The following SNX13 variants were observed in gnomAD, a reference collection of about 807,000 sequenced individuals.
SNX13 encodes the protein sorting nexin-13.
A neutral mutation model predicts 133.6 loss-of-function variants in SNX13; 45 were observed. The observed-to-expected ratio is 0.34, with a 90% CI of 0.27 to 0.43. The LOEUF is 0.43. SNX13 is among the 20% of genes least tolerant of loss of function. The pLI is 1.00. For synonymous variants in SNX13, 414 were observed against 373.9 expected, an observed-to-expected ratio of 1.11 and a Z score of -1.24; for missense variants, 1,032 against 1,145.1, an observed-to-expected ratio of 0.90 and a Z score of 1.43.
intron 2 of SNX13, among the ~76,000 whole-genome samples, chr7:17,894,295 C>CA (rs200563716): frequency 5.8e-4 from 77 of 133,022 alleles, no homozygotes; most frequent in East Asian, 8.6e-4. Context: ...AGACTCGCCT[C>CA]AAAAAAAAAA....
At chr7:17,928,180 C>T (rs188533974) in intron 1 of SNX13, among the ~76,000 whole-genome samples, 3 of 152,218 alleles carry the variant, frequency 2.0e-5, no homozygotes, top group Non-Finnish European at 4.4e-5. Flanking sequence ...CCCTCTAAAA[C>T]AACAATAGGA....
At chr7:17,926,200 A>C (rs556437046) in intron 1 of SNX13, among the ~76,000 whole-genome samples, 9 of 152,322 alleles carry the variant, frequency 5.9e-5, no homozygotes, top group African/African-American at 2.2e-4. Context: ...TAACAAATCT[A>C]GGTAACTGTA....
rs1289471310 is a variant in SNX13, at chr7:17,801,009, C to CTTTTAT, written c.2298+578_2298+579insATAAAA. 1.8e-4 allele frequency among the ~76,000 whole-genome samples: 22 copies of CTTTTAT among 120,210 alleles called. 2 individuals are homozygous for CTTTTAT. The highest frequency in any genetic ancestry group is 6.2e-4 in the African/African-American group (22 of 35,298). The allele number at this position is 120,210 out of a possible 152,430, so 78.9% of individuals were successfully genotyped here. ...CTTGGCAGTATCTACTAAAACTGAA[C>CTTTTAT]ATATATATATATATATATATATATA... On this transcript the variant is annotated intron_variant, in intron 22 of 25. Coordinates refer to ENST00000428135, the MANE Select transcript of SNX13 (RefSeq NM_015132.5).
intron 9 of SNX13, among the ~76,000 whole-genome samples, chr7:17,856,714 C>T (rs1478770857): frequency 1.3e-5 from 2 of 149,066 alleles, no homozygotes; most frequent in South Asian, 2.1e-4. Context: ...ATCACATGAG[C>T]CTGGTTGAGG....
rs1000604062 is a variant in SNX13, at chr7:17,790,939, T to C, written c.*3106A>G. The C allele has an allele frequency of 6.6e-6, 1 of 152,054 alleles. No homozygotes were observed. The highest frequency in any genetic ancestry group is 2.4e-5 in the African/African-American group (1 of 41,444). 9.4% of individuals were successfully genotyped at this position (152,054 alleles called of 1,614,324 possible). On this transcript the variant is annotated 3_prime_UTR_variant, in exon 26 of 26. Coordinates refer to ENST00000428135, the MANE Select transcript of SNX13 (RefSeq NM_015132.5). ...AGTTGACACTTACTGTACAATGATATGCACACATTATCTTTTAACAATTAT... is the reference window on the plus strand; with the variant it reads ...AGTTGACACTTACTGTACAATGATACGCACACATTATCTTTTAACAATTAT...
At chr7:17,801,910 T>C (rs1784685671) in intron 21 of SNX13, among the ~76,000 whole-genome samples, 2 of 152,056 alleles carry the variant, frequency 1.3e-5, no homozygotes, top group Non-Finnish European at 2.9e-5. Context: ...AACTCCCATA[T>C]TTTTTAGAAG....
At chr7:17,912,620 C>T (rs1210364349) in intron 1 of SNX13, among the ~76,000 whole-genome samples, 1 of 152,102 alleles carries the variant, frequency 6.6e-6, no homozygotes, top group East Asian at 1.9e-4. Context: ...CCATGTTGGC[C>T]AGGCTGGTCT....
Position 17,839,818 on chromosome 7 carries a change from A to T in SNX13, c.1348T>A (p.Leu450Ile). 1 of 1,607,474 alleles carries T rather than the reference A, an allele frequency of 6.2e-7. No individual in the cohort carries two copies. The highest frequency in any genetic ancestry group is 8.5e-7 in the Non-Finnish European group (1 of 1,176,704). Reference sequence around the variant, plus strand: ...AAATACAGCCTCACCTTTTCTGATAAATACTGTTCATAAATTCCAACAGCA... The same window carrying T: ...AAATACAGCCTCACCTTTTCTGATATATACTGTTCATAAATTCCAACAGCA... The part of the protein sequence containing the change: ...AAAVGIYEQY[L>I]SEKASPRVTV... Residue 450 changes from leucine to isoleucine, a missense_variant, in exon 13 of 26, where the codon TTA becomes ATA. Leu to Ile is a conservative substitution (Grantham distance 5). Coordinates refer to ENST00000428135, the MANE Select transcript of SNX13 (RefSeq NM_015132.5).
intron 1 of SNX13, among the ~76,000 whole-genome samples, chr7:17,917,264 T>C (rs1393911956): frequency 6.6e-6 from 1 of 152,140 alleles, no homozygotes; most frequent in Non-Finnish European, 1.5e-5. Flanking sequence ...AAAACAAGGA[T>C]GTCCACTCTT....
Position 17,875,552 on chromosome 7 carries a change from A to G in SNX13, c.592T>C (p.Phe198Leu), listed in dbSNP as rs1285227853. ...TTCTCCATTTCAACTTCAACTTCAAAGAAGGTATCTACAAGATCTTCTGCT... is the reference window on the plus strand; with the variant it reads ...TTCTCCATTTCAACTTCAACTTCAAGGAAGGTATCTACAAGATCTTCTGCT... ...GTAEDLVDTFFEVEVEMEKEV... is the reference protein window; with the variant it reads ...GTAEDLVDTFLEVEVEMEKEV... Residue 198 changes from phenylalanine to leucine, a missense_variant, in exon 7 of 26, where the codon TTT becomes CTT. Phe to Leu is a conservative substitution (Grantham distance 22). Coordinates refer to ENST00000428135, the MANE Select transcript of SNX13 (RefSeq NM_015132.5). 1.2e-6 allele frequency: 2 copies of G among 1,611,724 alleles called. No homozygotes were observed. The highest frequency in any genetic ancestry group is 1.7e-6 in the Non-Finnish European group (2 of 1,179,516).
At position 17,791,604 on chromosome 7, in the gene SNX13, C is replaced by T. The variant is rs537037725; in HGVS notation, c.*2441G>A. ...AGAAAACACAAAGAATGATTAATTT[C>T]GAAAGTTCTTGCCTAAAGGCACCAC... On this transcript the variant is annotated 3_prime_UTR_variant, in exon 26 of 26. Transcript: ENST00000428135. The T allele has an allele frequency of 1.3e-4, 20 of 152,006 alleles. No homozygotes were observed. The highest frequency in any genetic ancestry group is 3.9e-4 in the Admixed American group (6 of 15,258). The allele number at this position is 152,006 out of a possible 1,614,324, so 9.4% of individuals were successfully genotyped here.
At chr7:17,852,785 AAAATG>A (rs1203667587) in intron 9 of SNX13, among the ~76,000 whole-genome samples, 2 of 152,352 alleles carry the variant, frequency 1.3e-5, no homozygotes, top group Non-Finnish European at 2.9e-5. Flanking sequence ...CCAAAGCAAT[AAAATG>A]AAATTGTCTA....
intron 21 of SNX13, among the ~76,000 whole-genome samples, chr7:17,802,522 T>C (rs921560902): frequency 1.1e-4 from 16 of 152,184 alleles, no homozygotes; most frequent in African/African-American, 3.9e-4. Flanking sequence ...CCTAGAAAAC[T>C]TCAGTGACTT....
At chr7:17,940,203 G>A in intron 1 of SNX13, 81 bp downstream of exon 1, 2 of 1,537,300 alleles carry the variant, frequency 1.3e-6, no homozygotes, top group Non-Finnish European at 1.8e-6. Context: ...CCCACCTTCC[G>A]TACAGATGAT....
chr7:17,893,986 C>T (rs1432401743), intron 2 of SNX13, among the ~76,000 whole-genome samples: 1 of 133,252 alleles, frequency 7.5e-6, no homozygotes, highest in Non-Finnish European at 1.6e-5. Context: ...AAAAAAAAAA[C>T]TTAAGTGACA....
chr7:17,893,628 T>A (rs1796877156), intron 2 of SNX13, among the ~76,000 whole-genome samples, 194 bp from the exon 3 acceptor site: 1 of 152,224 alleles, frequency 6.6e-6, no homozygotes, highest in Non-Finnish European at 1.5e-5. Context: ...GAACATTTTG[T>A]GAATTATACA....
chr7:17,940,376 C>A lies in SNX13; in HGVS notation c.-81G>T. ...TAGCAGCAGCGAAAACTGCTCGGGC[C>A]GCCGCCAACGGCGGCAACTGCTCCT... On this transcript the variant is annotated 5_prime_UTR_variant, in exon 1 of 26. Transcript: ENST00000428135. 1 of 1,506,782 alleles carries A rather than the reference C, an allele frequency of 6.6e-7. No homozygotes were observed. The allele number at this position is 1,506,782 out of a possible 1,614,324, so 93.3% of individuals were successfully genotyped here. A position where few individuals can be genotyped will look rare whatever the true frequency, so the allele number is the denominator to read the frequency against.
chr7:17,840,837 C>G (rs2128316989), intron 12 of SNX13, among the ~76,000 whole-genome samples: 1 of 152,142 alleles, frequency 6.6e-6, no homozygotes, highest in South Asian at 2.1e-4. Context: ...CTCTCCACCT[C>G]CACAACAAGT....
intron 1 of SNX13, among the ~76,000 whole-genome samples, chr7:17,920,509 C>T (rs1583787401): frequency 6.6e-6 from 1 of 152,120 alleles, no homozygotes; most frequent in African/African-American, 2.4e-5. Flanking sequence ...ATTTGAAGCA[C>T]TCTGTGGGCG....
Sources: gnomAD v4.1 joint callset for allele counts (sites outside exome capture counted in the v4.1 genomes callset) on GRCh38, gnomAD v4.1.1 for gene constraint, MANE v1.5 for transcripts, NCBI Gene and HGNC (gene_info 2026-07-23, HGNC 2026-07-21) for gene names.